FEZ1: variants seen among roughly 807,000 people sequenced by gnomAD.
FEZ1 encodes the protein fasciculation and elongation protein zeta-1.
FEZ1 carries 20 observed loss-of-function variants against 49.3 expected under a neutral mutation model. The observed-to-expected ratio is 0.41, with a 90% CI of 0.29 to 0.59. FEZ1 has a LOEUF of 0.59. Ranked by LOEUF, FEZ1 falls within the 20% of genes least tolerant of loss-of-function variation. The probability of loss-of-function intolerance (pLI) is 0.36; values close to 1 mark genes in which losing one functional copy is unlikely to be tolerated. For synonymous variants in FEZ1, 170 were observed against 180.9 expected (o/e 0.94, Z 0.48); for missense variants, 413 against 476.0 (o/e 0.87, Z 1.23).
In FEZ1 at chr11:125,488,477, G is replaced by A. The variant is rs1162301227; in HGVS notation, c.311+990C>T. Among the ~76,000 whole-genome samples the A allele has an allele frequency of 7.9e-5, 12 of 152,224 alleles. No homozygotes were observed. In the South Asian group the frequency reaches 1.0e-3, roughly 13 times the overall value. On this transcript the variant is annotated intron_variant, in intron 2 of 9. Coordinates refer to ENST00000278919, the MANE Select transcript of FEZ1 (RefSeq NM_005103.5). The stretch of plus-strand genomic sequence containing the variant: ...GGGCAAATCACCAGGTCAGGAGTTC[G>A]AGACCAGCCTGGCCAACATGGTGAA...
rs67243081 is a variant in FEZ1, at chr11:125,475,275, T to TACACACACACACACAC, written c.411+6243_411+6258dup. ...ACACAGCAAGACCCTGTCTCAAAAATACACACACACACACACACACACACA... is the reference window on the plus strand; with the variant it reads ...ACACAGCAAGACCCTGTCTCAAAAATACACACACACACACACACACACACACACACACACACACACA... On this transcript the variant is annotated intron_variant, in intron 3 of 9. Transcript: ENST00000278919. 9.0e-4 allele frequency among the ~76,000 whole-genome samples: 128 copies of TACACACACACACACAC among 141,806 alleles called. 1 individual carries two copies. The highest frequency in any genetic ancestry group is 1.9e-3 in the Admixed American group (26 of 13,948). 93.0% of individuals were successfully genotyped at this position (141,806 alleles called of 152,430 possible). A position where few individuals can be genotyped will look rare whatever the true frequency, so the allele number is the denominator to read the frequency against.
intron 3 of FEZ1, among the ~76,000 whole-genome samples, chr11:125,467,219 T>C (rs1385429579): frequency 6.6e-6 from 1 of 151,972 alleles, no homozygotes; most frequent in Non-Finnish European, 1.5e-5. Context: ...TTGTTTTGAA[T>C]TTTTTTAGAG....
At chr11:125,454,079 C>A (rs1179339223) in intron 7 of FEZ1, 51 bp downstream of exon 7, 4 of 1,370,842 alleles carry the variant, frequency 2.9e-6, no homozygotes, top group South Asian at 1.3e-5. Flanking sequence ...CTGGGGAGGC[C>A]AAGCTGCAGG....
intron 6 of FEZ1, among the ~76,000 whole-genome samples, chr11:125,455,222 C>G (rs1481212405): frequency 6.6e-6 from 1 of 151,942 alleles, no homozygotes; most frequent in Non-Finnish European, 1.5e-5. Context: ...GAAACCCCAT[C>G]TCTACTAAAA....
chr11:125,457,498 A>ATATATG (rs1565533690), intron 5 of FEZ1, among the ~76,000 whole-genome samples: 1 of 64,204 alleles, frequency 1.6e-5, no homozygotes, highest in Non-Finnish European at 3.8e-5. Flanking sequence ...ATGTGTATAT[A>ATATATG]TGTATATATA....
At chr11:125,480,039 T>G (rs1362949305) in intron 3 of FEZ1, among the ~76,000 whole-genome samples, 2 of 152,178 alleles carry the variant, frequency 1.3e-5, no homozygotes, top group African/African-American at 4.8e-5. Context: ...TCATGGAGTG[T>G]GACTCTGGTC....
chr11:125,446,131 G>A lies in FEZ1; in HGVS notation c.1163-20C>T, dbSNP rs778010518. 12 of 1,613,584 alleles carry A rather than the reference G, an allele frequency of 7.4e-6. No homozygotes were observed. Among genetic ancestry groups the A allele is most frequent in the Admixed American group, 1.7e-5 (1 of 60,000 alleles). ...AGAGCACTGCAACGAGAAGAGAGGA[G>A]GGGAGAGCGGTCAGAACACAGTTGC... On this transcript the variant is annotated intron_variant, in intron 9 of 9. Transcript: ENST00000278919.
At position 125,489,413 on chromosome 11, in the gene FEZ1, C is replaced by T. The variant is rs766128353; in HGVS notation, c.311+54G>A. ...AGAAACCAGCACTATGTCAAGGAGA[C>T]AAGGACTACAGGGCTCTCGACTGAA... On this transcript the variant is annotated intron_variant, in intron 2 of 9. Transcript: ENST00000278919. This position sits in a 1 kb window ranked among gnomAD's most constrained non-coding sequence, Gnocchi z 4.2. 2.6e-6 allele frequency: 4 copies of T among 1,540,200 alleles called. No individual in the cohort carries two copies. Among genetic ancestry groups the T allele is most frequent in the Non-Finnish European group, 3.5e-6 (4 of 1,147,660 alleles).
intron 3 of FEZ1, among the ~76,000 whole-genome samples, chr11:125,469,749 T>TA (rs11457125): frequency 6.7e-6 from 1 of 148,254 alleles, no homozygotes; most frequent in East Asian, 2.0e-4. Flanking sequence ...TTTTTTTTTT[T>TA]AATTTTTTGT....
chr11:125,450,050 G>A (rs1178587817), intron 8 of FEZ1, among the ~76,000 whole-genome samples: 7 of 149,576 alleles, frequency 4.7e-5, no homozygotes, highest in African/African-American at 9.8e-5. Flanking sequence ...TTTTTGAGAC[G>A]GAGTTTCACT....
intron 6 of FEZ1, 171 bp downstream of exon 6, chr11:125,455,664 G>A: frequency 1.4e-6 from 1 of 710,078 alleles, no homozygotes; most frequent in South Asian, 1.6e-5. Context: ...TGGGGGAGTG[G>A]AGGAGATAGG....
At chr11:125,476,190 G>C (rs1254602731) in intron 3 of FEZ1, among the ~76,000 whole-genome samples, 1 of 152,188 alleles carries the variant, frequency 6.6e-6, no homozygotes, top group Non-Finnish European at 1.5e-5. Context: ...TCTTGATTGT[G>C]GTGATGGTTT....
chr11:125,470,128 G>A (rs1957171897), intron 3 of FEZ1, among the ~76,000 whole-genome samples: 1 of 152,176 alleles, frequency 6.6e-6, no homozygotes, highest in East Asian at 1.9e-4. Flanking sequence ...AAGCAACAGA[G>A]AGAGCAGAAG....
chr11:125,453,983 C>T lies in FEZ1; in HGVS notation c.1020+147G>A, dbSNP rs1431656147. 12 of 473,516 alleles carry T rather than the reference C, an allele frequency of 2.5e-5. No individual in the cohort carries two copies. The East Asian group carries it at 3.5e-4, about 14-fold the overall frequency. 29.3% of individuals were successfully genotyped at this position (473,516 alleles called of 1,614,324 possible). On this transcript the variant is annotated intron_variant, in intron 7 of 9. Coordinates refer to ENST00000278919, the MANE Select transcript of FEZ1 (RefSeq NM_005103.5). ...TTTAAAAAGATATTCTCTGTTCCTC[C>T]TTAAGAGGAGAAAAAAGTGTTAGGA... is the stretch of plus-strand genomic sequence containing the variant.
Position 125,495,693 on chromosome 11 carries a change from G to T in FEZ1, c.-46+428C>A. ...GATAACGGTCCCGGGACGAGGTACC[G>T]ACCCACTGCCCCAGCGCGATCGGGC... On this transcript the variant is annotated intron_variant, in intron 1 of 9. Coordinates refer to ENST00000278919, the MANE Select transcript of FEZ1 (RefSeq NM_005103.5). The surrounding 1 kb of genome is among the most constrained non-coding windows in gnomAD (Gnocchi z 4.2). 5.4e-6 allele frequency: 2 copies of T among 372,848 alleles called. No homozygotes were observed. The highest frequency in any genetic ancestry group is 3.9e-5 in the South Asian group (2 of 50,852). 23.1% of individuals were successfully genotyped at this position (372,848 alleles called of 1,614,324 possible).
At chr11:125,455,724 C>T (rs753180402) in intron 6 of FEZ1, 111 bp downstream of exon 6, 96 of 1,111,690 alleles carry the variant, frequency 8.6e-5, no homozygotes, top group Non-Finnish European at 1.0e-4. Flanking sequence ...GTGCTGCTCA[C>T]CACCACTGCT....
chr11:125,467,730 C>A (rs192729275), intron 3 of FEZ1, among the ~76,000 whole-genome samples: 1 of 152,268 alleles, frequency 6.6e-6, no homozygotes, highest in Non-Finnish European at 1.5e-5. Flanking sequence ...GTCCCAGCTA[C>A]TCAGGAGATG....
chr11:125,489,532 C>T lies in FEZ1; in HGVS notation c.246G>A (p.Glu82=). The change falls in exon 2 of 10, where the codon GAG becomes GAA. Residue 82 remains glutamate, a synonymous_variant. Coordinates refer to ENST00000278919, the MANE Select transcript of FEZ1 (RefSeq NM_005103.5). The surrounding 1 kb of genome is among the most constrained non-coding windows in gnomAD (Gnocchi z 4.2). The part of the protein sequence containing the change: ...VCFRNYNAKT[E]NLAPVKNQLQ... Reference sequence around the variant, plus strand: ...ACTGGTTCTTCACGGGAGCTAGGTTCTCGGTCTTGGCGTTGTAGTTCCGAA... The same window carrying T: ...ACTGGTTCTTCACGGGAGCTAGGTTTTCGGTCTTGGCGTTGTAGTTCCGAA... The T allele has an allele frequency of 6.2e-7, 1 of 1,614,150 alleles. No individual in the cohort carries two copies. The highest frequency in any genetic ancestry group is 8.5e-7 in the Non-Finnish European group (1 of 1,180,004).
rs1391151290 is a variant in FEZ1, at chr11:125,442,937, T to C, written c.*3158A>G. 1.3e-5 allele frequency among the ~76,000 whole-genome samples: 2 copies of C among 152,056 alleles called. No homozygotes were observed. Among genetic ancestry groups the C allele is most frequent in the Non-Finnish European group, 2.9e-5 (2 of 68,004 alleles). ...TTTCAGTAGAGAGGGGGTTTCACCA[T>C]GTTGGCCAGGCTGGTCTCAAACTCC... is the stretch of plus-strand genomic sequence containing the variant. On this transcript the variant is annotated 3_prime_UTR_variant, in exon 10 of 10. Coordinates refer to ENST00000278919, the MANE Select transcript of FEZ1 (RefSeq NM_005103.5).
Sources: allele counts gnomAD v4.1 joint callset (sites outside exome capture counted in the v4.1 genomes callset), GRCh38; gene constraint gnomAD v4.1.1; non-coding constraint Gnocchi (gnomAD v3.1); transcripts MANE v1.5; gene names NCBI Gene and HGNC (gene_info 2026-07-23, HGNC 2026-07-21).